Variants in IMPA2 observed in about 807,000 individuals in gnomAD.
IMPA2 encodes inositol monophosphatase 2.
Under a neutral mutation model 35.1 loss-of-function variants are expected in IMPA2, and 32 were observed. That is an observed-to-expected ratio of 0.91 (90% CI 0.69 to 1.23). The LOEUF (loss-of-function observed/expected upper bound fraction) is 1.23. IMPA2 is among the 50% of genes most tolerant of loss of function. The pLI, the probability that IMPA2 is intolerant of heterozygous loss-of-function variation, is 0.00. For synonymous variants in IMPA2, 135 were observed against 160.6 expected (o/e 0.84, Z 1.20); for missense variants, 334 against 387.6 (o/e 0.86, Z 1.16).
chr18:12,019,850 T>A (rs1907680709), intron 5 of IMPA2, among the ~76,000 whole-genome samples: 4 of 152,022 alleles, frequency 2.6e-5, no homozygotes. Context: ...AGGCTTACAG[T>A]GTTAGATACG....
At chr18:12,020,971 A>G (rs1303712880) in intron 5 of IMPA2, among the ~76,000 whole-genome samples, 5 of 127,834 alleles carry the variant, frequency 3.9e-5, no homozygotes, top group African/African-American at 1.5e-4. Context: ...TTGGTTACCT[A>G]CTGTTACTTG....
At chr18:12,026,309 A>T (rs1907881417) in intron 5 of IMPA2, among the ~76,000 whole-genome samples, 1 of 152,238 alleles carries the variant, frequency 6.6e-6, no homozygotes, top group Non-Finnish European at 1.5e-5. Context: ...TTGGGATTAC[A>T]GGCGTGAGCC....
Position 11,981,783 on chromosome 18 carries a change from G to C in IMPA2, c.96+18G>C. ...CAGGACAGGTGAGCGCCACGGCTGG[G>C]CTCGGAAGTCCGGGCGGAGCAGAAG... On this transcript the variant is annotated intron_variant, in intron 1 of 7. Transcript: ENST00000269159. 3 of 1,221,780 alleles carry C rather than the reference G, an allele frequency of 2.5e-6. No individual in the cohort carries two copies. The highest frequency in any genetic ancestry group is 3.1e-6 in the Non-Finnish European group (3 of 980,034). 75.7% of individuals were successfully genotyped at this position (1,221,780 alleles called of 1,614,324 possible). A position where few individuals can be genotyped will look rare whatever the true frequency, so the allele number is the denominator to read the frequency against.
rs1907404424 is a variant in IMPA2, at chr18:12,010,541, C to A, written c.335+554C>A. On this transcript the variant is annotated intron_variant, in intron 3 of 7. Coordinates refer to ENST00000269159, the MANE Select transcript of IMPA2 (RefSeq NM_014214.3). This position sits in a 1 kb window ranked among gnomAD's most constrained non-coding sequence, Gnocchi z 4.8. ...GATGCAAAGGTGACAGGGACACGAC[C>A]ACAGGTGTTCTCTGGCAGTGGCAGG... 6.6e-6 allele frequency among the ~76,000 whole-genome samples: 1 copy of A among 152,214 alleles called. No individual in the cohort carries two copies. The highest frequency in any genetic ancestry group is 1.5e-5 in the Non-Finnish European group (1 of 68,034).
chr18:11,982,154 G>A (rs1906521145), intron 1 of IMPA2, among the ~76,000 whole-genome samples: 1 of 152,180 alleles, frequency 6.6e-6, no homozygotes, highest in Admixed American at 6.5e-5. Flanking sequence ...TGGGGATCTG[G>A]CTGGGCTGCC....
chr18:12,029,955 G>A (rs552630262), intron 7 of IMPA2, among the ~76,000 whole-genome samples: 13 of 152,220 alleles, frequency 8.5e-5, no homozygotes, highest in Admixed American at 5.9e-4. Context: ...ACCTGTTGAG[G>A]CAGAGCCTTG....
intron 5 of IMPA2, among the ~76,000 whole-genome samples, chr18:12,016,913 A>G (rs1427578489): frequency 1.3e-5 from 2 of 152,224 alleles, no homozygotes; most frequent in African/African-American, 4.8e-5. Flanking sequence ...ATCAAAGAAG[A>G]AACTTGAATC....
intron 5 of IMPA2, among the ~76,000 whole-genome samples, chr18:12,020,491 C>A (rs1907699277): frequency 6.6e-6 from 1 of 152,078 alleles, no homozygotes; most frequent in African/African-American, 2.4e-5. Context: ...CTGTGACTGG[C>A]CTCTTTTTTT....
intron 1 of IMPA2, among the ~76,000 whole-genome samples, chr18:11,982,770 G>T (rs1473451625): frequency 1.3e-5 from 2 of 149,092 alleles, no homozygotes; most frequent in Non-Finnish European, 3.0e-5. Context: ...ACCAGCCTGG[G>T]CAACAAGAAC....
chr18:12,005,960 A>G (rs909113906), intron 2 of IMPA2, among the ~76,000 whole-genome samples: 1 of 152,216 alleles, frequency 6.6e-6, no homozygotes, highest in Non-Finnish European at 1.5e-5. Flanking sequence ...GACCTGAGTC[A>G]TATCTGTTCG....
chr18:11,990,921 C>T (rs9973072), intron 1 of IMPA2, among the ~76,000 whole-genome samples: 32,914 of 152,056 alleles, frequency 0.22, 4,199 homozygotes, highest in East Asian at 0.56. Flanking sequence ...TTTTGCTGTC[C>T]TCAGAGTTAC....
At chr18:12,007,635 C>CT (rs752975627) in intron 2 of IMPA2, among the ~76,000 whole-genome samples, 21 of 50,114 alleles carry the variant, frequency 4.2e-4, no homozygotes, top group Admixed American at 7.8e-4. Context: ...TTTCTTCTTT[C>CT]TTTCTTTCTT....
chr18:12,029,713 G>C (rs1179072060), intron 7 of IMPA2, among the ~76,000 whole-genome samples: 2 of 152,162 alleles, frequency 1.3e-5, no homozygotes, highest in Non-Finnish European at 2.9e-5. Flanking sequence ...GAGCCACCAT[G>C]CCCGGCCTCC....
At chr18:11,999,007 A>G (rs1907042199) in intron 1 of IMPA2, 47 bp from the exon 2 acceptor site, 1 of 1,475,800 alleles carries the variant, frequency 6.8e-7, no homozygotes, top group African/African-American at 1.5e-5. Context: ...TTTGCCTGGG[A>G]GGAGGATGTT....
At chr18:12,000,894 T>C (rs1907098685) in intron 2 of IMPA2, among the ~76,000 whole-genome samples, 1 of 147,536 alleles carries the variant, frequency 6.8e-6, no homozygotes, top group Non-Finnish European at 1.5e-5. Context: ...GGATTACAGG[T>C]GTGATCCACT....
At position 12,019,875 on chromosome 18, in the gene IMPA2, TA is replaced by T. The variant is rs199737952; in HGVS notation, c.490+5509del. The stretch of plus-strand genomic sequence containing the variant: ...TGTTAGATACGATTTTTCAAAAAAA[TA>T]AAAAAATATATATATTTTTGAGACA... On this transcript the variant is annotated intron_variant, in intron 5 of 7. Coordinates refer to ENST00000269159, the MANE Select transcript of IMPA2 (RefSeq NM_014214.3). Among the ~76,000 whole-genome samples, 919 of 152,142 alleles carry T rather than the reference TA, an allele frequency of 6.0e-3. 5 individuals are homozygous for T. Among genetic ancestry groups the T allele is most frequent in the South Asian group, 0.011 (54 of 4,816 alleles).
intron 2 of IMPA2, chr18:12,008,380 T>C (rs931792352): frequency 1.2e-5 from 6 of 518,848 alleles, no homozygotes; most frequent in Admixed American, 1.9e-5. Context: ...AGGAACTGGA[T>C]AGAAAACCTC....
chr18:12,001,874 T>G (rs1029485860), intron 2 of IMPA2, among the ~76,000 whole-genome samples: 1 of 152,172 alleles, frequency 6.6e-6, no homozygotes, highest in African/African-American at 2.4e-5. Flanking sequence ...GTTCCCAAGC[T>G]CTAGCCCACA....
chr18:11,996,471 T>TC (rs1906960983), intron 1 of IMPA2, among the ~76,000 whole-genome samples: 1 of 152,114 alleles, frequency 6.6e-6, no homozygotes, highest in Non-Finnish European at 1.5e-5. Flanking sequence ...TTATGGCTGC[T>TC]CCCCATGTGG....
Sources: gnomAD v4.1 joint callset for allele counts (sites outside exome capture counted in the v4.1 genomes callset) on GRCh38, gnomAD v4.1.1 for gene constraint, Gnocchi (gnomAD v3.1) non-coding constraint, MANE v1.5 for transcripts, NCBI Gene and HGNC (gene_info 2026-07-23, HGNC 2026-07-21) for gene names.